The following ZNF317 variants were observed in gnomAD, a reference collection of about 807,000 sequenced individuals.
ZNF317 encodes KRAB-containing zinc finger protein 317.
A neutral mutation model predicts 23.4 loss-of-function variants in ZNF317; 17 were observed. The observed-to-expected ratio is 0.73, with a 90% CI of 0.50 to 1.09. The LOEUF (loss-of-function observed/expected upper bound fraction) is 1.09, where lower values mean the gene tolerates loss of function less well. Ranked by LOEUF, ZNF317 falls within the 50% of genes least tolerant of loss-of-function variation. The probability of loss-of-function intolerance (pLI) is 0.00; values close to 1 mark genes in which losing one functional copy is unlikely to be tolerated. For missense variants in ZNF317, 679 were observed against 796.7 expected (o/e 0.85, Z 1.78); for synonymous variants, 317 against 314.9 (o/e 1.01, Z -0.07).
intron 4 of ZNF317, chr19:9,157,648 G>A (rs946507169): frequency 5.3e-6 from 3 of 565,260 alleles, no homozygotes; most frequent in Admixed American, 3.9e-5. Context: ...TGGAGGGTCA[G>A]TGTGTGGGTA....
intron 1 of ZNF317, among the ~76,000 whole-genome samples, chr19:9,143,999 CTTT>C (rs1568310308): frequency 5.1e-5 from 5 of 98,894 alleles, no homozygotes; most frequent in Non-Finnish European, 8.4e-5. Context: ...TTCTTTCTTT[CTTT>C]CTTTCTTTCT....
intron 6 of ZNF317, 34 bp downstream of exon 6, chr19:9,158,942 T>C: frequency 6.7e-7 from 1 of 1,498,378 alleles, no homozygotes; most frequent in Non-Finnish European, 9.3e-7. Flanking sequence ...TGGATCTTCC[T>C]TCCACGTCTG....
chr19:9,155,942 C>T lies in ZNF317; in HGVS notation c.-75C>T. 1.3e-6 allele frequency: 2 copies of T among 1,579,796 alleles called. No individual in the cohort carries two copies. The highest frequency in any genetic ancestry group is 1.1e-5 in the South Asian group (1 of 90,372). ...TGCTACAGATGCCAGCTTGGAGAGT[C>T]ACGTGAGAGCAAGAGAGTAGCTTTC... is the stretch of plus-strand genomic sequence containing the variant. On this transcript the variant is annotated 5_prime_UTR_variant, in exon 2 of 7. Coordinates refer to ENST00000247956, the MANE Select transcript of ZNF317 (RefSeq NM_020933.5).
chr19:9,146,429 CT>C (rs59017993), intron 1 of ZNF317, among the ~76,000 whole-genome samples: 138 of 137,290 alleles, frequency 1.0e-3, no homozygotes, highest in Non-Finnish European at 1.0e-3. Context: ...TACTTTTTTT[CT>C]TTTTTTTTTT....
At chr19:9,146,071 T>A (rs541356316) in intron 1 of ZNF317, among the ~76,000 whole-genome samples, 2 of 152,256 alleles carry the variant, frequency 1.3e-5, no homozygotes, top group Non-Finnish European at 2.9e-5. Context: ...TTTGCTTTTT[T>A]TTTAGCAATT....
chr19:9,162,676 G>T lies in ZNF317; in HGVS notation c.*1243G>T, dbSNP rs1167314350. The T allele has an allele frequency of 1.3e-5, 2 of 151,688 alleles. No individual in the cohort carries two copies. Among genetic ancestry groups the T allele is most frequent in the Non-Finnish European group, 2.9e-5 (2 of 67,988 alleles). The allele number at this position is 151,688 out of a possible 1,614,324, so 9.4% of individuals were successfully genotyped here. On this transcript the variant is annotated 3_prime_UTR_variant, in exon 7 of 7. Transcript: ENST00000247956. ...TAAATTTTTCATCTTTATTTTTAAG[G>T]TTATACTCCTCTAAATAACCCTTAA... is the stretch of plus-strand genomic sequence containing the variant.
intron 2 of ZNF317, 74 bp downstream of exon 2, chr19:9,156,115 T>TA: frequency 6.4e-7 from 1 of 1,563,234 alleles, no homozygotes; most frequent in Non-Finnish European, 8.8e-7. Context: ...GGGTGAAAGA[T>TA]ACGTACACCA....
In ZNF317 at chr19:9,157,283, C is replaced by G; in HGVS notation, c.178C>G (p.Gln60Glu). Residue 60 changes from glutamine (Q) to glutamate (E), a missense_variant, in exon 4 of 7, where the codon CAA (glutamine) becomes GAA (glutamate). By Grantham distance (29) the Gln-to-Glu change is conservative. Transcript: ENST00000247956. ...SVGSQESVTF[Q>E]DVAVDFTEKE... ...GGCGTTCCAGGAATCGGTGACTTTC[C>G]AAGATGTCGCTGTGGACTTTACCGA... is the stretch of plus-strand genomic sequence containing the variant. 3 of 1,613,858 alleles carry G rather than the reference C, an allele frequency of 1.9e-6. No homozygotes were observed. Among genetic ancestry groups the G allele is most frequent in the Non-Finnish European group, 2.5e-6 (3 of 1,179,894 alleles).
intron 1 of ZNF317, 148 bp downstream of exon 1, chr19:9,140,740 C>T: frequency 2.8e-6 from 1 of 355,996 alleles, no homozygotes; most frequent in Non-Finnish European, 5.5e-6. Flanking sequence ...TCGCGATCAG[C>T]GATATGAAAA....
At chr19:9,141,218 T>C (rs1223634500) in intron 1 of ZNF317, among the ~76,000 whole-genome samples, 6 of 152,188 alleles carry the variant, frequency 3.9e-5, no homozygotes, top group Non-Finnish European at 7.3e-5. Flanking sequence ...GTGTGTCCTT[T>C]CCTATGCACA....
rs201883092 is a variant in ZNF317 at position 9,160,927 on chromosome 19, C to T, written c.1282C>T (p.Arg428Ter). Residue 428 changes from arginine to a stop codon, truncating the protein, a stop_gained, in exon 7 of 7, where the codon CGA becomes TGA. Coordinates refer to ENST00000247956, the MANE Select transcript of ZNF317 (RefSeq NM_020933.5). LOFTEE classifies it low-confidence loss of function (END_TRUNC). This position sits in a 1 kb window ranked among gnomAD's most constrained non-coding sequence, Gnocchi z 6.8. The part of the protein sequence containing the change: ...VECRQCGKTF[R>*]NQSILKTHMN... The stretch of plus-strand genomic sequence containing the variant: ...ATGTCGGCAGTGCGGGAAGACCTTC[C>T]GAAACCAGTCCATCCTTAAGACTCA... 3.7e-6 allele frequency: 6 copies of T among 1,614,050 alleles called. No homozygotes were observed. Among genetic ancestry groups the T allele is most frequent in the African/African-American group, 1.3e-5 (1 of 74,912 alleles).
intron 4 of ZNF317, 155 bp downstream of exon 4, chr19:9,157,549 G>A (rs915975342): frequency 5.6e-5 from 53 of 947,516 alleles, no homozygotes; most frequent in Admixed American, 4.9e-4. Flanking sequence ...CCTGGGTATC[G>A]AGGCCCATCT....
At position 9,160,274 on chromosome 19, in the gene ZNF317, C is replaced by T; in HGVS notation, c.629C>T (p.Thr210Ile). The part of the protein sequence containing the change: ...GVAFKGRPHL[T>I]QHMSMYDGRK... ...GCGTTCAAGGGCAGGCCGCACCTCACTCAGCACATGAGCATGTACGACGGG... is the reference window on the plus strand; with the variant it reads ...GCGTTCAAGGGCAGGCCGCACCTCATTCAGCACATGAGCATGTACGACGGG... Residue 210 changes from threonine to isoleucine, a missense_variant, in exon 7 of 7, where the codon ACT (threonine) becomes ATT (isoleucine). Thr to Ile is a moderately conservative substitution (Grantham distance 89, BLOSUM62 -1). Coordinates refer to ENST00000247956, the MANE Select transcript of ZNF317 (RefSeq NM_020933.5). This position sits in a 1 kb window ranked among gnomAD's most constrained non-coding sequence, Gnocchi z 6.8. 6.2e-7 allele frequency: 1 copy of T among 1,614,206 alleles called. No individual in the cohort carries two copies. The highest frequency in any genetic ancestry group is 8.5e-7 in the Non-Finnish European group (1 of 1,180,038).
rs1568316884 is a variant in ZNF317, at chr19:9,161,350, G to A, written c.1705G>A (p.Asp569Asn). ...CCTTGTCTGCGGGAAAGCCTTCAGC[G>A]ACCACTCATCCCTCAGGAGCCACGT... ...ECLVCGKAFS[D>N]HSSLRSHVKT... Residue 569 changes from aspartate to asparagine, a missense_variant, in exon 7 of 7, where the codon GAC becomes AAC. Coordinates refer to ENST00000247956, the MANE Select transcript of ZNF317 (RefSeq NM_020933.5). This position sits in a 1 kb window ranked among gnomAD's most constrained non-coding sequence, Gnocchi z 4.0. The A allele has an allele frequency of 1.9e-6, 3 of 1,614,190 alleles. No homozygotes were observed. Among genetic ancestry groups the A allele is most frequent in the South Asian group, 1.1e-5 (1 of 91,074 alleles).
At chr19:9,141,343 G>A (rs2050627999) in intron 1 of ZNF317, among the ~76,000 whole-genome samples, 1 of 152,166 alleles carries the variant, frequency 6.6e-6, no homozygotes, top group South Asian at 2.1e-4. Flanking sequence ...ACCAGGCCAA[G>A]AAAGAGATTA....
intron 1 of ZNF317, among the ~76,000 whole-genome samples, chr19:9,142,134 A>C (rs1031720152): frequency 3.9e-5 from 6 of 152,202 alleles, no homozygotes; most frequent in African/African-American, 1.4e-4. Context: ...ACCTGCAAAA[A>C]GGATTTAGGT....
intron 1 of ZNF317, among the ~76,000 whole-genome samples, chr19:9,155,152 A>AT (rs1408478667): frequency 2.0e-5 from 3 of 151,470 alleles, no homozygotes; most frequent in Admixed American, 2.0e-4. Flanking sequence ...CATTGCAGAT[A>AT]TTTTTTTCCC....
In ZNF317 at chr19:9,160,707, G is replaced by A. The variant is rs773610580; in HGVS notation, c.1062G>A (p.Arg354=). Reference sequence around the variant, plus strand: ...CCTCCCACCTCAAAGAGCACGTGAGGAATCACACGGGGGAGAAGCCCTACG... The same window carrying A: ...CCTCCCACCTCAAAGAGCACGTGAGAAATCACACGGGGGAGAAGCCCTACG... ...QHPSHLKEHV[R]NHTGEKPYAC... The change falls in exon 7 of 7, where the codon AGG becomes AGA. Residue 354 remains arginine (R), a synonymous_variant. Coordinates refer to ENST00000247956, the MANE Select transcript of ZNF317 (RefSeq NM_020933.5). This position sits in a 1 kb window ranked among gnomAD's most constrained non-coding sequence, Gnocchi z 6.8. 1.2e-6 allele frequency: 2 copies of A among 1,614,060 alleles called. No homozygotes were observed. Among genetic ancestry groups the A allele is most frequent in the South Asian group, 1.1e-5 (1 of 91,080 alleles).
intron 1 of ZNF317, among the ~76,000 whole-genome samples, chr19:9,154,193 C>G (rs2050762081): frequency 6.6e-6 from 1 of 152,146 alleles, no homozygotes; most frequent in Admixed American, 6.5e-5. Context: ...GTTTAAATAA[C>G]TAGAAGCAAG....
Sources: allele counts gnomAD v4.1 joint callset (sites outside exome capture counted in the v4.1 genomes callset), GRCh38; gene constraint gnomAD v4.1.1; non-coding constraint Gnocchi (gnomAD v3.1); transcripts MANE v1.5; gene names NCBI Gene and HGNC (gene_info 2026-07-23, HGNC 2026-07-21).